The following HMBOX1 variants were observed in gnomAD, a reference collection of about 807,000 sequenced individuals.
HMBOX1 encodes the protein homeobox containing 1, also known as homeobox-containing protein 1.
A neutral mutation model predicts 54.5 loss-of-function variants in HMBOX1; 14 were observed. The ratio of observed to expected loss-of-function variants is 0.26; its 90% CI spans 0.17 to 0.40. The LOEUF is 0.40. Among genes scored for constraint, HMBOX1 ranks in the 10% least tolerant of loss-of-function variants. The probability of loss-of-function intolerance (pLI) is 1.00; values close to 1 mark genes in which losing one functional copy is unlikely to be tolerated. For synonymous variants in HMBOX1, 160 were observed against 181.0 expected, an observed-to-expected ratio of 0.88 and a Z score of 0.93; for missense variants, 332 against 514.4, an observed-to-expected ratio of 0.65 and a Z score of 3.43.
intron 1 of HMBOX1, among the ~76,000 whole-genome samples, chr8:28,929,176 G>T (rs760957157): frequency 1.3e-5 from 2 of 152,144 alleles, no homozygotes; most frequent in Non-Finnish European, 2.9e-5. Context: ...TCTGAGAGGC[G>T]TGGTACAAAA....
chr8:28,964,906 A>G (rs1826189931), intron 2 of HMBOX1, among the ~76,000 whole-genome samples: 3 of 152,180 alleles, frequency 2.0e-5, no homozygotes, highest in Admixed American at 6.5e-5. Flanking sequence ...GCTATTTTCA[A>G]TCTATCAGCC....
chr8:28,984,469 T>G (rs1311338714), intron 4 of HMBOX1, among the ~76,000 whole-genome samples: 2 of 152,216 alleles, frequency 1.3e-5, no homozygotes, highest in African/African-American at 4.8e-5. Context: ...TATTATAAGA[T>G]AAACAAGAAG....
chr8:28,962,193 T>C (rs1375705359), intron 1 of HMBOX1, among the ~76,000 whole-genome samples: 1 of 151,962 alleles, frequency 6.6e-6, no homozygotes, highest in African/African-American at 2.4e-5. Context: ...CTTTATGAAA[T>C]TGAGAGAATT....
chr8:29,017,610 G>A (rs1835221706), intron 5 of HMBOX1, among the ~76,000 whole-genome samples: 2 of 152,222 alleles, frequency 1.3e-5, no homozygotes, highest in Admixed American at 6.5e-5. Context: ...ATTAATTTGA[G>A]AATTTTGAGC....
At position 28,970,783 on chromosome 8, in the gene HMBOX1, ATCT is replaced by A; in HGVS notation, c.500+268_500+270del. 1 of 347,834 alleles carries A rather than the reference ATCT, an allele frequency of 2.9e-6. No homozygotes were observed. The highest frequency in any genetic ancestry group is 4.4e-5 in the Admixed American group (1 of 22,750). 21.5% of individuals were successfully genotyped at this position (347,834 alleles called of 1,614,324 possible). A position where few individuals can be genotyped will look rare whatever the true frequency, so the allele number is the denominator to read the frequency against. On this transcript the variant is annotated intron_variant, in intron 3 of 9. Coordinates refer to ENST00000287701, the MANE Select transcript of HMBOX1 (RefSeq NM_001135726.3). This position sits in a 1 kb window ranked among gnomAD's most constrained non-coding sequence, Gnocchi z 4.3. The stretch of plus-strand genomic sequence containing the variant: ...TTTCCATTCTGTTTATCAAACACTA[ATCT>A]TCTCTATGACTCTAATAGCTAATTT...
At chr8:28,905,185 G>C (rs1207510198) in intron 1 of HMBOX1, among the ~76,000 whole-genome samples, 1 of 152,180 alleles carries the variant, frequency 6.6e-6, no homozygotes. Flanking sequence ...GTTAATTGGA[G>C]GCTGAGCAAG....
At chr8:28,991,544 T>C (rs1176520543) in intron 4 of HMBOX1, among the ~76,000 whole-genome samples, 3 of 152,222 alleles carry the variant, frequency 2.0e-5, no homozygotes, top group Non-Finnish European at 4.4e-5. Context: ...ACGAGGCCAA[T>C]ATGATATTGC....
intron 4 of HMBOX1, among the ~76,000 whole-genome samples, chr8:29,004,997 T>C (rs1042239220): frequency 9.9e-5 from 15 of 152,122 alleles, no homozygotes; most frequent in Non-Finnish European, 2.1e-4. Context: ...TTTGGAAAAA[T>C]TACCTGCTTT....
At chr8:28,938,612 AT>A (rs778373499) in intron 1 of HMBOX1, among the ~76,000 whole-genome samples, 246 of 140,450 alleles carry the variant, frequency 1.8e-3, no homozygotes, top group Middle Eastern at 3.7e-3. Context: ...ACTCCTGGCA[AT>A]TTTTTTTTTT....
At chr8:29,025,437 T>A (rs1013357063) in intron 6 of HMBOX1, among the ~76,000 whole-genome samples, 1 of 152,220 alleles carries the variant, frequency 6.6e-6, no homozygotes, top group Non-Finnish European at 1.5e-5. Context: ...TTTATGTTAA[T>A]CTGTGGGAAT....
rs567249658 is a variant in HMBOX1 at position 28,951,687 on chromosome 8, A to G, written c.-57-12124A>G. ...CACAGGTGTTATCTGCAAATTTAAT[A>G]TACAAAAAAATGACGTGGTGAAGAG... On this transcript the variant is annotated intron_variant, in intron 1 of 9. Transcript: ENST00000287701. Among the ~76,000 whole-genome samples the G allele has an allele frequency of 3.9e-5, 6 of 152,350 alleles. No homozygotes were observed. The East Asian group carries it at 1.2e-3, about 29-fold the overall frequency.
chr8:28,980,872 A>C (rs1829222321), intron 4 of HMBOX1, among the ~76,000 whole-genome samples: 1 of 152,184 alleles, frequency 6.6e-6, no homozygotes, highest in African/African-American at 2.4e-5. Flanking sequence ...CACTCTTTTC[A>C]ACTACATTTT....
rs1313623891 is a variant in HMBOX1, at chr8:28,960,759, CTTTTTCTTTTTTTTTTTTTTTTTT to C, written c.-57-3046_-57-3023del. Among the ~76,000 whole-genome samples, 16 of 5,128 alleles carry C rather than the reference CTTTTTCTTTTTTTTTTTTTTTTTT, an allele frequency of 3.1e-3. 1 individual carries two copies. The East Asian group carries it at 0.15, about 49-fold the overall frequency. The allele number at this position is 5,128 out of a possible 152,430, so 3.4% of individuals were successfully genotyped here. On this transcript the variant is annotated intron_variant, in intron 1 of 9. Transcript: ENST00000287701. ...GTAAACTTATTCTCTTTTTCTTTTTCTTTTTCTTTTTTTTTTTTTTTTTTTTTTTTTTTTTTTTTTTTTTTGGAG... is the reference window on the plus strand; with the variant it reads ...GTAAACTTATTCTCTTTTTCTTTTTCTTTTTTTTTTTTTTTTTTTTTGGAG...
At chr8:29,021,622 G>A (rs147342110) in intron 6 of HMBOX1, among the ~76,000 whole-genome samples, 2 of 152,034 alleles carry the variant, frequency 1.3e-5, no homozygotes, top group East Asian at 1.9e-4. Context: ...TTGGGAGGCC[G>A]AGGCGGGCGG....
intron 6 of HMBOX1, among the ~76,000 whole-genome samples, chr8:29,043,291 C>T (rs771923072): frequency 7.3e-5 from 11 of 149,964 alleles, no homozygotes; most frequent in Admixed American, 2.6e-4. Context: ...TTATATAAAA[C>T]GCTCTTCCTC....
intron 5 of HMBOX1, among the ~76,000 whole-genome samples, chr8:29,016,610 G>A (rs1029815437): frequency 7.9e-5 from 12 of 152,358 alleles, no homozygotes; most frequent in African/African-American, 2.9e-4. Flanking sequence ...CTGGCTCAGA[G>A]TTCTGTAGAG....
At chr8:28,913,178 C>T (rs1313245226) in intron 1 of HMBOX1, among the ~76,000 whole-genome samples, 3 of 152,316 alleles carry the variant, frequency 2.0e-5, no homozygotes, top group Admixed American at 6.5e-5. Flanking sequence ...TCTTTCCCCA[C>T]GGGATAGCAA....
intron 1 of HMBOX1, among the ~76,000 whole-genome samples, chr8:28,960,034 A>T (rs1329228075): frequency 6.7e-6 from 1 of 150,004 alleles, no homozygotes; most frequent in African/African-American, 2.5e-5. Context: ...TCTTTATTAG[A>T]CTTTCTGTGT....
intron 1 of HMBOX1, among the ~76,000 whole-genome samples, chr8:28,908,616 A>G (rs564391465): frequency 6.6e-6 from 1 of 152,116 alleles, no homozygotes; most frequent in Non-Finnish European, 1.5e-5. Flanking sequence ...TTAGCCGGGC[A>G]TGGTGGCGCA....
Sources: gnomAD v4.1 joint callset for allele counts (sites outside exome capture counted in the v4.1 genomes callset) on GRCh38, gnomAD v4.1.1 for gene constraint, Gnocchi (gnomAD v3.1) non-coding constraint, MANE v1.5 for transcripts, NCBI Gene and HGNC (gene_info 2026-07-23, HGNC 2026-07-21) for gene names.